The following CREB5 variants were observed in gnomAD, a reference collection of about 807,000 sequenced individuals.
CREB5 encodes the protein cyclic AMP-responsive element-binding protein 5.
In CREB5, 19 loss-of-function variants were observed where a neutral mutation model predicts 57.1. The observed-to-expected ratio is 0.33, with a 90% CI of 0.23 to 0.49. The LOEUF (loss-of-function observed/expected upper bound fraction) is 0.49, where lower values mean the gene tolerates loss of function less well. Ranked by LOEUF, CREB5 falls within the 20% of genes least tolerant of loss-of-function variation. The pLI, the probability that CREB5 is intolerant of heterozygous loss-of-function variation, is 0.99. For synonymous variants in CREB5, 238 were observed against 238.3 expected, an observed-to-expected ratio of 1.00 and a Z score of 0.01; for missense variants, 579 against 671.6, an observed-to-expected ratio of 0.86 and a Z score of 1.52.
chr7:28,791,882 T>C (rs1807732550), intron 7 of CREB5, among the ~76,000 whole-genome samples: 1 of 152,216 alleles, frequency 6.6e-6, no homozygotes, highest in Admixed American at 6.5e-5. Context: ...ACCACCCCCA[T>C]TACTTGTGTT....
intron 4 of CREB5, among the ~76,000 whole-genome samples, chr7:28,559,410 GT>G (rs1794993185): frequency 6.6e-6 from 1 of 152,182 alleles, no homozygotes; most frequent in South Asian, 2.1e-4. Flanking sequence ...TGCCTCCCAG[GT>G]TTAAGCGATT....
At chr7:28,670,332 AC>A (rs1188880552) in intron 5 of CREB5, among the ~76,000 whole-genome samples, 1 of 152,208 alleles carries the variant, frequency 6.6e-6, no homozygotes, top group Non-Finnish European at 1.5e-5. Flanking sequence ...TACCGTACTC[AC>A]CTGTTTTCTG....
At chr7:28,487,815 G>C (rs942577429) in intron 1 of CREB5, among the ~76,000 whole-genome samples, 1 of 152,194 alleles carries the variant, frequency 6.6e-6, no homozygotes, top group Non-Finnish European at 1.5e-5. Context: ...ACTGGACAAG[G>C]GTTGGTGTAC....
chr7:28,458,714 C>T (rs941889180), intron 1 of CREB5, among the ~76,000 whole-genome samples: 2 of 152,186 alleles, frequency 1.3e-5, no homozygotes, highest in Admixed American at 1.3e-4. Flanking sequence ...ATGACTTTGC[C>T]TCTCTGAGCC....
intron 7 of CREB5, among the ~76,000 whole-genome samples, chr7:28,760,965 C>T (rs2128769471): frequency 6.6e-6 from 1 of 152,274 alleles, no homozygotes; most frequent in East Asian, 1.9e-4. Flanking sequence ...AGCATATATT[C>T]TTCTACTTGC....
At chr7:28,678,727 G>T (rs932181474) in intron 5 of CREB5, among the ~76,000 whole-genome samples, 3 of 152,042 alleles carry the variant, frequency 2.0e-5, no homozygotes, top group Non-Finnish European at 4.4e-5. Flanking sequence ...TTAACTCAGG[G>T]GCCCAGTTAA....
In CREB5 at chr7:28,422,153, G is replaced by A. The variant is rs185448410; in HGVS notation, c.3+9236G>A. 3.4e-3 allele frequency among the ~76,000 whole-genome samples: 512 copies of A among 152,180 alleles called. 5 individuals carry two copies. The highest frequency in any genetic ancestry group is 0.011 in the African/African-American group (452 of 41,528). ...CAGAAAGGAGGAGGCCCAGGCTTGTGCATAATATCAAGGAACATTCTGTGG... is the reference window on the plus strand; with the variant it reads ...CAGAAAGGAGGAGGCCCAGGCTTGTACATAATATCAAGGAACATTCTGTGG... On this transcript the variant is annotated intron_variant, in intron 1 of 10. Transcript: ENST00000357727.
At chr7:28,612,088 G>A (rs79735275) in intron 5 of CREB5, among the ~76,000 whole-genome samples, 3,600 of 152,288 alleles carry the variant, frequency 0.024, 131 homozygotes, top group African/African-American at 0.082. Context: ...AAAAAGCAGA[G>A]ATGGTGTGTG....
At chr7:28,764,234 GTTCTC>G (rs960731708) in intron 7 of CREB5, among the ~76,000 whole-genome samples, 33 of 151,946 alleles carry the variant, frequency 2.2e-4, no homozygotes, top group Admixed American at 7.9e-4. Context: ...GTTCTTTAAT[GTTCTC>G]TTATTATTTT....
At chr7:28,401,879 C>T (rs187496393) in intron 1 of CREB5, among the ~76,000 whole-genome samples, 98 of 152,310 alleles carry the variant, frequency 6.4e-4, no homozygotes, top group Non-Finnish European at 1.1e-3. Context: ...CATACATGTG[C>T]TTGTGTCTTT....
chr7:28,502,352 G>C (rs1792307724), intron 3 of CREB5, among the ~76,000 whole-genome samples: 1 of 151,966 alleles, frequency 6.6e-6, no homozygotes, highest in African/African-American at 2.4e-5. Context: ...TTTAAAGAAA[G>C]CATTTGCTGA....
chr7:28,560,526 T>C (rs1795041608), intron 4 of CREB5, among the ~76,000 whole-genome samples: 1 of 152,026 alleles, frequency 6.6e-6, no homozygotes, highest in Non-Finnish European at 1.5e-5. Context: ...ACTAAAAGGA[T>C]TGGAAGCCAG....
At chr7:28,382,352 C>T (rs912109631) in intron 1 of CREB5, among the ~76,000 whole-genome samples, 1 of 152,136 alleles carries the variant, frequency 6.6e-6, no homozygotes, top group Non-Finnish European at 1.5e-5. Context: ...AATTTAGAAG[C>T]AAAACCATCT....
chr7:28,783,561 T>TA (rs200076717), intron 7 of CREB5, among the ~76,000 whole-genome samples: 39 of 152,178 alleles, frequency 2.6e-4, no homozygotes, highest in African/African-American at 7.2e-4. Flanking sequence ...ATTTTGAAAT[T>TA]AAAAAAAATA....
intron 5 of CREB5, among the ~76,000 whole-genome samples, chr7:28,617,602 TGG>T (rs1797638501): frequency 6.6e-6 from 1 of 152,228 alleles, no homozygotes; most frequent in Non-Finnish European, 1.5e-5. Flanking sequence ...CTAAGAGCAA[TGG>T]GGGCTTCCCT....
chr7:28,552,617 C>A (rs550654398), intron 4 of CREB5, among the ~76,000 whole-genome samples: 1 of 152,206 alleles, frequency 6.6e-6, no homozygotes, highest in Non-Finnish European at 1.5e-5. Context: ...CTCTTTAGCC[C>A]CATCTTTCAG....
chr7:28,475,477 GA>G (rs56037729), intron 1 of CREB5, among the ~76,000 whole-genome samples: 25 of 132,324 alleles, frequency 1.9e-4, no homozygotes, highest in Admixed American at 2.9e-4. Context: ...GGGAGAGAAA[GA>G]AAAAAAAATA....
chr7:28,790,472 G>GAGAGAGAGAGAA (rs1562643098), intron 7 of CREB5, among the ~76,000 whole-genome samples: 40 of 124,938 alleles, frequency 3.2e-4, no homozygotes, highest in Non-Finnish European at 4.8e-4. Flanking sequence ...TAGAGAGAGA[G>GAGAGAGAGAGAA]AGAAAGAAAG....
intron 1 of CREB5, among the ~76,000 whole-genome samples, chr7:28,334,689 G>A (rs945208262): frequency 6.6e-6 from 1 of 152,154 alleles, no homozygotes; most frequent in Non-Finnish European, 1.5e-5. Flanking sequence ...TTGTGCAGAA[G>A]TTTTTAAACT....
Sources: gnomAD v4.1 joint callset for allele counts (sites outside exome capture counted in the v4.1 genomes callset) on GRCh38, gnomAD v4.1.1 for gene constraint, MANE v1.5 for transcripts, NCBI Gene and HGNC (gene_info 2026-07-23, HGNC 2026-07-21) for gene names.